Variants in SLCO1B1 observed in about 807,000 individuals in gnomAD.
SLCO1B1 encodes the protein OATP-2.
Under a neutral mutation model 70.1 loss-of-function variants are expected in SLCO1B1, and 81 were observed. The observed-to-expected ratio is 1.16, with a 90% CI of 0.97 to 1.39. SLCO1B1 has a LOEUF of 1.39. Among genes scored for constraint, SLCO1B1 ranks in the 40% most tolerant of loss-of-function variants. The pLI, the probability that SLCO1B1 is intolerant of heterozygous loss-of-function variation, is 0.00. For missense variants in SLCO1B1, 895 were observed against 799.6 expected (o/e 1.12, Z -1.44); for synonymous variants, 283 against 271.5 (o/e 1.04, Z -0.42).
At chr12:21,163,948 A>T (rs1006329112) in intron 2 of SLCO1B1, among the ~76,000 whole-genome samples, 1 of 152,146 alleles carries the variant, frequency 6.6e-6, no homozygotes, top group African/African-American at 2.4e-5. Flanking sequence ...CACTGAAAAA[A>T]AAAAAATGTA....
In SLCO1B1 at chr12:21,145,437, C is replaced by T. The variant is rs181972975; in HGVS notation, c.84+3779C>T. 2.1e-5 allele frequency among the ~76,000 whole-genome samples: 3 copies of T among 146,156 alleles called. No individual in the cohort carries two copies. The Admixed American group carries it at 2.1e-4, about 10-fold the overall frequency. On this transcript the variant is annotated intron_variant, in intron 2 of 14. Transcript: ENST00000256958. ...TCTCCCACCTCCTGAGTAGCTGGAA[C>T]TACAGGCACATGCCACTTCACCCAG...
chr12:21,136,863 G>A (rs55738403), intron 1 of SLCO1B1, among the ~76,000 whole-genome samples: 8,293 of 152,162 alleles, frequency 0.055, 296 homozygotes, highest in East Asian at 0.13. Flanking sequence ...GCTTTGTTCC[G>A]TTGCTGGTGA....
chr12:21,134,987 C>G (rs1311700693), intron 1 of SLCO1B1, among the ~76,000 whole-genome samples: 3 of 152,134 alleles, frequency 2.0e-5, no homozygotes, highest in African/African-American at 7.2e-5. Context: ...ATAAATTTCC[C>G]TCTACACACT....
At chr12:21,178,304 G>T (rs141555703) in intron 5 of SLCO1B1, among the ~76,000 whole-genome samples, 2 of 151,828 alleles carry the variant, frequency 1.3e-5, no homozygotes, top group African/African-American at 2.4e-5. Flanking sequence ...TTCATCTTCC[G>T]CCATGATTGT....
intron 1 of SLCO1B1, among the ~76,000 whole-genome samples, chr12:21,140,228 T>A (rs1329054084): frequency 1.3e-5 from 2 of 152,068 alleles, no homozygotes; most frequent in African/African-American, 4.8e-5. Context: ...CAACTGTACA[T>A]ATAATATATA....
chr12:21,147,932 G>A (rs188631312), intron 2 of SLCO1B1, among the ~76,000 whole-genome samples: 3 of 152,276 alleles, frequency 2.0e-5, no homozygotes, highest in East Asian at 3.9e-4. Flanking sequence ...TCTCATTGCA[G>A]TTTTGATTTG....
At chr12:21,233,225 C>T (rs934975001) in intron 14 of SLCO1B1, among the ~76,000 whole-genome samples, 1 of 130,502 alleles carries the variant, frequency 7.7e-6, no homozygotes. Context: ...CCGACTCAGG[C>T]CTTTTTGAGC....
chr12:21,223,681 A>G (rs912881547), intron 13 of SLCO1B1, among the ~76,000 whole-genome samples: 27 of 152,136 alleles, frequency 1.8e-4, no homozygotes, highest in African/African-American at 5.5e-4. Context: ...AAATTGTGAT[A>G]TATCAATCAC....
intron 14 of SLCO1B1, among the ~76,000 whole-genome samples, chr12:21,229,811 A>G (rs1385550338): frequency 6.6e-6 from 1 of 152,202 alleles, no homozygotes; most frequent in Non-Finnish European, 1.5e-5. Context: ...CATATTGCAA[A>G]CAAAGACAAT....
intron 14 of SLCO1B1, among the ~76,000 whole-genome samples, chr12:21,234,780 C>G (rs1941578598): frequency 6.6e-6 from 1 of 152,062 alleles, no homozygotes; most frequent in Admixed American, 6.6e-5. Flanking sequence ...TTGTGTTCTG[C>G]TCTAATTTTG....
At chr12:21,237,393 T>C (rs1941606377) in intron 14 of SLCO1B1, among the ~76,000 whole-genome samples, 1 of 152,180 alleles carries the variant, frequency 6.6e-6, no homozygotes, top group Non-Finnish European at 1.5e-5. Flanking sequence ...TTTTTTTCTC[T>C]TAAGACTTTA....
At chr12:21,131,881 C>T (rs569903957) in intron 1 of SLCO1B1, among the ~76,000 whole-genome samples, 1 of 152,118 alleles carries the variant, frequency 6.6e-6, no homozygotes, top group Non-Finnish European at 1.5e-5. Flanking sequence ...TACATGTGCA[C>T]AACATGCAGG....
chr12:21,230,981 C>T (rs2121203367), intron 14 of SLCO1B1, among the ~76,000 whole-genome samples: 1 of 111,762 alleles, frequency 8.9e-6, no homozygotes, highest in East Asian at 3.3e-4. Context: ...CCTCCCCCCA[C>T]CCCACGACAG....
intron 14 of SLCO1B1, among the ~76,000 whole-genome samples, chr12:21,230,287 C>T (rs572819733): frequency 1.4e-5 from 2 of 145,390 alleles, no homozygotes; most frequent in Non-Finnish European, 3.0e-5. Flanking sequence ...AGAATTTTTG[C>T]GTCTATGTTC....
intron 14 of SLCO1B1, among the ~76,000 whole-genome samples, chr12:21,225,423 C>A (rs1293815835): frequency 6.6e-6 from 1 of 152,022 alleles, no homozygotes; most frequent in Non-Finnish European, 1.5e-5. Flanking sequence ...TACTTTACCT[C>A]TTTAAAAAAA....
At chr12:21,145,239 T>C (rs111779193) in intron 2 of SLCO1B1, among the ~76,000 whole-genome samples, 5 of 152,246 alleles carry the variant, frequency 3.3e-5, no homozygotes, top group African/African-American at 1.2e-4. Flanking sequence ...TGTCAGGATA[T>C]TTATAAGGTG....
At chr12:21,147,723 A>T (rs1296200615) in intron 2 of SLCO1B1, among the ~76,000 whole-genome samples, 1 of 152,184 alleles carries the variant, frequency 6.6e-6, no homozygotes, top group Non-Finnish European at 1.5e-5. Flanking sequence ...TGCTATTGTG[A>T]ATAGTGCTGC....
At chr12:21,190,777 T>C (rs1941021632) in intron 7 of SLCO1B1, among the ~76,000 whole-genome samples, 1 of 152,138 alleles carries the variant, frequency 6.6e-6, no homozygotes, top group African/African-American at 2.4e-5. Context: ...AGTATTTGGT[T>C]TTCCATTCCT....
chr12:21,159,988 AG>A (rs1309227116), intron 2 of SLCO1B1, among the ~76,000 whole-genome samples: 1 of 151,902 alleles, frequency 6.6e-6, no homozygotes, highest in African/African-American at 2.4e-5. Flanking sequence ...ACAAACAAAG[AG>A]AAAAACATGC....
Sources: gnomAD v4.1 joint callset for allele counts (sites outside exome capture counted in the v4.1 genomes callset) on GRCh38, gnomAD v4.1.1 for gene constraint, MANE v1.5 for transcripts, NCBI Gene and HGNC (gene_info 2026-07-23, HGNC 2026-07-21) for gene names.